Variants in TBL1XR1 observed in about 807,000 individuals in gnomAD.
TBL1XR1 encodes TBL1X/Y related 1, also known as F-box-like/WD repeat-containing protein TBL1XR1.
In TBL1XR1, 5 loss-of-function variants were observed where a neutral mutation model predicts 66.9. The observed-to-expected ratio is 0.07, with a 90% CI of 0.04 to 0.16. The LOEUF is 0.16. Among genes scored for constraint, TBL1XR1 ranks in the 10% least tolerant of loss-of-function variants. TBL1XR1 has a pLI of 1.00. For synonymous variants in TBL1XR1, 210 were observed against 206.0 expected (o/e 1.02, Z -0.17); for missense variants, 238 against 623.2 (o/e 0.38, Z 6.58).
At chr3:177,052,344 G>A (rs147654485) in intron 4 of TBL1XR1, among the ~76,000 whole-genome samples, 1,690 of 152,234 alleles carry the variant, frequency 0.011, 17 homozygotes, top group Non-Finnish European at 0.017. Flanking sequence ...AATACAAACA[G>A]TACAAATTAG....
intron 14 of TBL1XR1, among the ~76,000 whole-genome samples, chr3:177,030,120 G>A (rs555732948): frequency 3.8e-4 from 55 of 145,464 alleles, no homozygotes; most frequent in Admixed American, 4.9e-4. Context: ...GTGTGTGTGT[G>A]TATATATATA....
At chr3:177,088,175 T>C (rs953645219) in intron 2 of TBL1XR1, among the ~76,000 whole-genome samples, 5 of 152,274 alleles carry the variant, frequency 3.3e-5, no homozygotes, top group South Asian at 2.1e-4. Context: ...ACAAGTTCTA[T>C]CACAGTTAAT....
rs1451914533 is a variant in TBL1XR1 at position 177,161,581 on chromosome 3, G to C, written c.-122+35540C>G. On this transcript the variant is annotated intron_variant, in intron 1 of 15. Coordinates refer to ENST00000457928, the MANE Select transcript of TBL1XR1 (RefSeq NM_024665.7). ...GTGGATCACCTGAGGTCAGGAGTTT[G>C]AGACCAGCCTGGCCAACTTGGTGAA... is the stretch of plus-strand genomic sequence containing the variant. 2.6e-5 allele frequency among the ~76,000 whole-genome samples: 4 copies of C among 152,242 alleles called. No individual in the cohort carries two copies. In the South Asian group the frequency reaches 8.3e-4, roughly 32 times the overall value.
At chr3:177,044,714 C>G (rs116547586) in intron 10 of TBL1XR1, 2 of 152,058 alleles carry the variant, frequency 1.3e-5, no homozygotes, top group African/African-American at 4.8e-5. Context: ...AGAAAGAATA[C>G]GATGGGTAAA....
At chr3:177,028,869 G>A (rs1713533945) in intron 14 of TBL1XR1, among the ~76,000 whole-genome samples, 1 of 152,130 alleles carries the variant, frequency 6.6e-6, no homozygotes, top group African/African-American at 2.4e-5. Context: ...TGGAATAAAA[G>A]AGAAGGTAAT....
At chr3:177,151,356 G>A (rs570782716) in intron 1 of TBL1XR1, among the ~76,000 whole-genome samples, 27 of 152,288 alleles carry the variant, frequency 1.8e-4, no homozygotes, top group South Asian at 6.2e-4. Flanking sequence ...CCCAACCCCC[G>A]GCTGCAGCTG....
At chr3:177,076,590 G>C (rs973323398) in intron 2 of TBL1XR1, among the ~76,000 whole-genome samples, 1 of 152,172 alleles carries the variant, frequency 6.6e-6, no homozygotes, top group Non-Finnish European at 1.5e-5. Context: ...AGCCTGGGAA[G>C]ACAAATACAG....
At chr3:177,036,685 A>G (rs1460388752) in intron 12 of TBL1XR1, among the ~76,000 whole-genome samples, 1 of 152,218 alleles carries the variant, frequency 6.6e-6, no homozygotes, top group Non-Finnish European at 1.5e-5. Context: ...AATACTAGCA[A>G]TTTTGTAAGG....
At chr3:177,120,651 C>A (rs1726878327) in intron 1 of TBL1XR1, 1 of 152,200 alleles carries the variant, frequency 6.6e-6, no homozygotes, top group South Asian at 2.1e-4. Flanking sequence ...GCAGCTTTAA[C>A]TCACTGATTT....
At chr3:177,087,237 AT>A (rs1451074998) in intron 2 of TBL1XR1, among the ~76,000 whole-genome samples, 6 of 149,948 alleles carry the variant, frequency 4.0e-5, no homozygotes, top group African/African-American at 1.5e-4. Context: ...TAAAAAAAAA[AT>A]TAAACTAATC....
intron 14 of TBL1XR1, 107 bp from the exon 15 acceptor site, chr3:177,026,581 G>A (rs956861297): frequency 4.0e-6 from 3 of 747,672 alleles, no homozygotes; most frequent in East Asian, 3.1e-5. Flanking sequence ...ATCAGAGGAG[G>A]GACTTAGCTT....
At chr3:177,054,652 A>G (rs1717573189) in intron 3 of TBL1XR1, among the ~76,000 whole-genome samples, 1 of 152,202 alleles carries the variant, frequency 6.6e-6, no homozygotes, top group African/African-American at 2.4e-5. Flanking sequence ...AATAATAAAA[A>G]TAAATTCAAA....
At chr3:177,027,621 A>C (rs567075908) in intron 14 of TBL1XR1, 1 of 152,064 alleles carries the variant, frequency 6.6e-6, no homozygotes, top group South Asian at 2.1e-4. Context: ...TCTACTTAAA[A>C]GCACATGGCA....
intron 1 of TBL1XR1, among the ~76,000 whole-genome samples, chr3:177,106,348 G>T (rs1044134475): frequency 3.9e-5 from 6 of 152,146 alleles, no homozygotes; most frequent in African/African-American, 1.4e-4. Flanking sequence ...AGTTCTAGTG[G>T]GCACTTAGGC....
chr3:177,129,771 T>C (rs1728064857), intron 1 of TBL1XR1, among the ~76,000 whole-genome samples: 5 of 152,186 alleles, frequency 3.3e-5, no homozygotes, highest in Admixed American at 3.3e-4. Context: ...TAACACTCTA[T>C]AGTGTTATAA....
chr3:177,057,676 G>A (rs751211132), intron 3 of TBL1XR1, among the ~76,000 whole-genome samples: 1 of 152,004 alleles, frequency 6.6e-6, no homozygotes, highest in Non-Finnish European at 1.5e-5. Flanking sequence ...TATATAATAG[G>A]AGGCAAAAGA....
intron 12 of TBL1XR1, chr3:177,037,323 A>C (rs17553377): frequency 1.3e-5 from 2 of 152,182 alleles, no homozygotes; most frequent in Admixed American, 6.5e-5. Flanking sequence ...TGGTGAAGAC[A>C]ATTTATAGCA....
chr3:177,073,852 GT>G (rs1720352230), intron 2 of TBL1XR1, among the ~76,000 whole-genome samples: 1 of 152,154 alleles, frequency 6.6e-6, no homozygotes, highest in African/African-American at 2.4e-5. Context: ...GTTTTTGTTT[GT>G]TTTGCCCAGA....
intron 1 of TBL1XR1, among the ~76,000 whole-genome samples, chr3:177,192,274 T>G (rs1736243139): frequency 6.6e-6 from 1 of 151,200 alleles, no homozygotes; most frequent in Non-Finnish European, 1.5e-5. Flanking sequence ...TAATCCCAGC[T>G]AGGAGGCTGA....
Sources: allele counts gnomAD v4.1 joint callset (sites outside exome capture counted in the v4.1 genomes callset), GRCh38; gene constraint gnomAD v4.1.1; transcripts MANE v1.5; gene names NCBI Gene and HGNC (gene_info 2026-07-23, HGNC 2026-07-21).